Variants in TTC24 observed in about 807,000 individuals in gnomAD.
TTC24 encodes the protein tetratricopeptide repeat protein 24.
TTC24 carries 54 observed loss-of-function variants against 63.3 expected under a neutral mutation model. The ratio of observed to expected loss-of-function variants is 0.85; its 90% CI spans 0.69 to 1.07. TTC24 has a LOEUF of 1.07. Among genes scored for constraint, TTC24 ranks in the 50% least tolerant of loss-of-function variants. The pLI, the probability that TTC24 is intolerant of heterozygous loss-of-function variation, is 0.00. For synonymous variants in TTC24, 276 were observed against 304.3 expected, an observed-to-expected ratio of 0.91 and a Z score of 0.97; for missense variants, 680 against 730.5, an observed-to-expected ratio of 0.93 and a Z score of 0.80.
rs564439170 is a variant in TTC24 at position 156,587,055 on chromosome 1, C to T, written c.*505C>T. ...CCTGTAGGACAGCTCCTGCCAGCAGCCACAGGAACAGTGATGTGATGTAAC... is the reference window on the plus strand; with the variant it reads ...CCTGTAGGACAGCTCCTGCCAGCAGTCACAGGAACAGTGATGTGATGTAAC... On this transcript the variant is annotated 3_prime_UTR_variant, in exon 11 of 11. Transcript: ENST00000368236. Among the ~76,000 whole-genome samples, 3 of 148,888 alleles carry T rather than the reference C, an allele frequency of 2.0e-5. No homozygotes were observed. Among genetic ancestry groups the T allele is most frequent in the South Asian group, 4.8e-4 (2 of 4,200 alleles).
chr1:156,585,190 C>G lies in TTC24; in HGVS notation c.1415C>G (p.Ser472Trp). 6.2e-7 allele frequency: 1 copy of G among 1,613,372 alleles called. No individual in the cohort carries two copies. The highest frequency in any genetic ancestry group is 1.7e-5 in the Admixed American group (1 of 59,918). Reference protein sequence around the residue: ...EGHQKKKEERSANVPVRAGPG... With the variant: ...EGHQKKKEERWANVPVRAGPG... ...CACCAGAAGAAAAAAGAGGAGAGGTCGGCAAACGTTCCGGTGAGGGCTGGG... is the reference window on the plus strand; with the variant it reads ...CACCAGAAGAAAAAAGAGGAGAGGTGGGCAAACGTTCCGGTGAGGGCTGGG... The change falls in exon 8 of 11, where the codon TCG becomes TGG. Residue 472 changes from serine (S) to tryptophan (W), a missense_variant. Coordinates refer to ENST00000368236, the MANE Select transcript of TTC24 (RefSeq NM_001105669.4).
Position 156,583,169 on chromosome 1 carries a change from T to C in TTC24, c.1038T>C (p.Ser346=), listed in dbSNP as rs751520695. The C allele has an allele frequency of 1.2e-6, 2 of 1,608,334 alleles. No homozygotes were observed. Among genetic ancestry groups the C allele is most frequent in the South Asian group, 2.2e-5 (2 of 90,686 alleles). ...YLHALQAARD[S]GDMKGQWQAC... The stretch of plus-strand genomic sequence containing the variant: ...ATGCCCTGCAGGCTGCCCGGGACTC[T>C]GGTAAGCGTGAGAGGGTTGGGATGT... Residue 346 remains serine, a splice_region_variant and synonymous_variant, in exon 4 of 11, where the codon TCT becomes TCC. Transcript: ENST00000368236. This position sits in a 1 kb window ranked among gnomAD's most constrained non-coding sequence, Gnocchi z 4.0.
At position 156,584,252 on chromosome 1, in the gene TTC24, T is replaced by C. The variant is rs1677088459; in HGVS notation, c.1251+357T>C. Among the ~76,000 whole-genome samples the C allele has an allele frequency of 3.3e-5, 5 of 152,232 alleles. No individual in the cohort carries two copies. In the South Asian group the frequency reaches 1.0e-3, roughly 32 times the overall value. On this transcript the variant is annotated intron_variant, in intron 6 of 10. Coordinates refer to ENST00000368236, the MANE Select transcript of TTC24 (RefSeq NM_001105669.4). ...GCTCCAAGGAAGTCCCTCTCTCCCG[T>C]CTTTAAGTCTCTGGAGGTCATTTCT...
At position 156,581,454 on chromosome 1, in the gene TTC24, G is replaced by T. The variant is rs962113561; in HGVS notation, c.90G>T (p.Leu30=). 1 of 1,550,270 alleles carries T rather than the reference G, an allele frequency of 6.5e-7. No homozygotes were observed. Among genetic ancestry groups the T allele is most frequent in the East Asian group, 2.4e-5 (1 of 40,896 alleles). ...SNKKKKKRKW[L]RQEASIQALT... is the part of the protein sequence containing the mutation. ...AGAAAAAGAAGAAAAGAAAGTGGCT[G>T]CGGCAAGAAGCCAGCATCCAAGCCC... is the stretch of plus-strand genomic sequence containing the variant. Residue 30 remains leucine, a synonymous_variant, in exon 2 of 11, where the codon CTG becomes CTT. Transcript: ENST00000368236.
intron 6 of TTC24, 111 bp downstream of exon 6, chr1:156,584,006 A>T: frequency 2.4e-6 from 2 of 846,378 alleles, no homozygotes; most frequent in Non-Finnish European, 3.8e-6. Flanking sequence ...TTGGCCGCTC[A>T]TCTGTGTTCA....
At chr1:156,585,291 A>AC in intron 8 of TTC24, 60 bp downstream of exon 8, 1 of 1,292,130 alleles carries the variant, frequency 7.7e-7, no homozygotes, top group Non-Finnish European at 1.0e-6. Context: ...TGGCACTCCC[A>AC]CCCCCACCCG....
rs764017824 is a variant in TTC24 at position 156,585,112 on chromosome 1, C to T, written c.1350-13C>T. 5 of 1,603,978 alleles carry T rather than the reference C, an allele frequency of 3.1e-6. No individual in the cohort carries two copies. In the African/African-American group the frequency reaches 6.7e-5, roughly 21 times the overall value. On this transcript the variant is annotated splice_polypyrimidine_tract_variant and intron_variant, in intron 7 of 10. Coordinates refer to ENST00000368236, the MANE Select transcript of TTC24 (RefSeq NM_001105669.4). Reference sequence around the variant, plus strand: ...GCTCTGCCAAGCTGTGCCCTGGTTCCTTGCCCCTACAGATCTTCCAGTGGG... The same window carrying T: ...GCTCTGCCAAGCTGTGCCCTGGTTCTTTGCCCCTACAGATCTTCCAGTGGG...
In TTC24 at chr1:156,585,816, C is replaced by T; in HGVS notation, c.1560C>T (p.Ala520=). 6.2e-7 allele frequency: 1 copy of T among 1,613,296 alleles called. No individual in the cohort carries two copies. Among genetic ancestry groups the T allele is most frequent in the South Asian group, 1.1e-5 (1 of 91,066 alleles). The change falls in exon 9 of 11, where the codon GCC becomes GCT. Residue 520 remains alanine (A), a synonymous_variant. Transcript: ENST00000368236. ...GCAGAGGGACAGTCCTCGGCAAAGC[C>T]TCCATCTATAGTGAGCAGTGCATCC... ...TPCRGTVLGK[A]SIYSPGPRAH...
At chr1:156,584,779 G>T (rs1026214603) in intron 6 of TTC24, 98 bp from the exon 7 acceptor site, 6 of 744,414 alleles carry the variant, frequency 8.1e-6, no homozygotes, top group African/African-American at 7.2e-5. Context: ...GGCAGAGCCC[G>T]AATTGTCTCT....
Position 156,581,516 on chromosome 1 carries a change from A to G in TTC24, c.152A>G (p.Gln51Arg), listed in dbSNP as rs1260513247. ...RAGHGALQAGQNHEALNNFQR... is the reference protein window; with the variant it reads ...RAGHGALQAGRNHEALNNFQR... Reference sequence around the variant, plus strand: ...GGCCATGGGGCCCTTCAGGCTGGCCAGAACCATGAAGCCTTGAACAACTTC... The same window carrying G: ...GGCCATGGGGCCCTTCAGGCTGGCCGGAACCATGAAGCCTTGAACAACTTC... The change falls in exon 2 of 11, where the codon CAG becomes CGG. Residue 51 changes from glutamine (Q) to arginine (R), a missense_variant. Transcript: ENST00000368236. The G allele has an allele frequency of 1.4e-5, 21 of 1,551,332 alleles. No individual in the cohort carries two copies. The highest frequency in any genetic ancestry group is 2.7e-5 in the African/African-American group (2 of 73,048).
chr1:156,581,940 C>T lies in TTC24; in HGVS notation c.576C>T (p.Ala192=), dbSNP rs1312231856. ...QAYAQERQLR[A]AALALGAAAG... ...ATGCTCAAGAGAGACAGCTGCGGGCCGCAGCCCTGGCACTGGGGGCTGCGG... is the reference window on the plus strand; with the variant it reads ...ATGCTCAAGAGAGACAGCTGCGGGCTGCAGCCCTGGCACTGGGGGCTGCGG... The change falls in exon 2 of 11, where the codon GCC becomes GCT. Residue 192 remains alanine (A), a synonymous_variant. Coordinates refer to ENST00000368236, the MANE Select transcript of TTC24 (RefSeq NM_001105669.4). 35 of 1,540,984 alleles carry T rather than the reference C, an allele frequency of 2.3e-5. No homozygotes were observed. Among genetic ancestry groups the T allele is most frequent in the Middle Eastern group, 1.7e-4 (1 of 5,958 alleles).
intron 9 of TTC24, 56 bp from the exon 10 acceptor site, chr1:156,585,893 G>T: frequency 6.3e-7 from 1 of 1,596,680 alleles, no homozygotes; most frequent in Non-Finnish European, 8.6e-7. Context: ...TTTCCACCAT[G>T]ATAGTTCTTG....
In TTC24 at chr1:156,583,952, G is replaced by A. The variant is rs1358175827; in HGVS notation, c.1251+57G>A. Reference sequence around the variant, plus strand: ...GTGGAGAGAGGTTACCCAGAGAAGGGGTTGGTGGTAAGCAGAGACGCTGTT... The same window carrying A: ...GTGGAGAGAGGTTACCCAGAGAAGGAGTTGGTGGTAAGCAGAGACGCTGTT... On this transcript the variant is annotated intron_variant, in intron 6 of 10. Coordinates refer to ENST00000368236, the MANE Select transcript of TTC24 (RefSeq NM_001105669.4). The surrounding 1 kb of genome is among the most constrained non-coding windows in gnomAD (Gnocchi z 4.0). The A allele has an allele frequency of 6.2e-6, 9 of 1,458,540 alleles. No homozygotes were observed. In the Admixed American group the frequency reaches 1.6e-4, roughly 26 times the overall value. The allele number at this position is 1,458,540 out of a possible 1,614,324, so 90.3% of individuals were successfully genotyped here.
chr1:156,581,722 T>C lies in TTC24; in HGVS notation c.358T>C (p.Cys120Arg), dbSNP rs1171739431. 2 of 1,551,602 alleles carry C rather than the reference T, an allele frequency of 1.3e-6. No homozygotes were observed. The highest frequency in any genetic ancestry group is 8.7e-7 in the Non-Finnish European group (1 of 1,147,010). Residue 120 changes from cysteine (C) to arginine (R), a missense_variant, in exon 2 of 11, where the codon TGT becomes CGT. Cys to Arg is a radical substitution (Grantham distance 180). Coordinates refer to ENST00000368236, the MANE Select transcript of TTC24 (RefSeq NM_001105669.4). ...ACAGGGCAGGCGACACGGCGACCAA[T>C]GTTTCAATGTGGCTTTGGCCTACCA... ...KAQGRRHGDQ[C>R]FNVALAYHAL...
At chr1:156,582,919 C>A in intron 3 of TTC24, 123 bp from the exon 4 acceptor site, 2 of 1,257,218 alleles carry the variant, frequency 1.6e-6, no homozygotes, top group Non-Finnish European at 2.2e-6. Context: ...TCGGATGCAT[C>A]TGGAGTGTTC....
At position 156,584,951 on chromosome 1, in the gene TTC24, C is replaced by T. The variant is rs762911855; in HGVS notation, c.1326C>T (p.Ser442=). 2 of 1,601,576 alleles carry T rather than the reference C, an allele frequency of 1.2e-6. No homozygotes were observed. The highest frequency in any genetic ancestry group is 4.5e-5 in the East Asian group (2 of 44,650). ...AGGGGACCCCAGCAAAGGCAGGAAGCAGCACAGCAGGTGTCCAGCACAGGT... is the reference window on the plus strand; with the variant it reads ...AGGGGACCCCAGCAAAGGCAGGAAGTAGCACAGCAGGTGTCCAGCACAGGT... ...QAEGTPAKAG[S]STAGVQHRSS... The change falls in exon 7 of 11, where the codon AGC becomes AGT. Residue 442 remains serine, a synonymous_variant. Coordinates refer to ENST00000368236, the MANE Select transcript of TTC24 (RefSeq NM_001105669.4).
At chr1:156,584,173 G>A (rs1230594001) in intron 6 of TTC24, among the ~76,000 whole-genome samples, 1 of 152,210 alleles carries the variant, frequency 6.6e-6, no homozygotes. Context: ...CAAGGAGGTA[G>A]AAAGTTTCAA....
At position 156,583,890 on chromosome 1, in the gene TTC24, A is replaced by G. The variant is rs1235265911; in HGVS notation, c.1246A>G (p.Thr416Ala). Residue 416 changes from threonine to alanine, a missense_variant, in exon 6 of 11, where the codon ACC becomes GCC. Thr to Ala is a moderately conservative substitution (Grantham distance 58). Transcript: ENST00000368236. This position sits in a 1 kb window ranked among gnomAD's most constrained non-coding sequence, Gnocchi z 4.0. ...LAQVGLVQTH[T>A]LTSAPGRLQA... ...CCAGGTGGGGCTGGTCCAGACTCAC[A>G]CCCTGGTGAGATGACACCTGAGACA... 6.3e-7 allele frequency: 1 copy of G among 1,578,304 alleles called. No individual in the cohort carries two copies. Among genetic ancestry groups the G allele is most frequent in the Non-Finnish European group, 8.6e-7 (1 of 1,162,296 alleles).
At chr1:156,584,735 G>T (rs1047028283) in intron 6 of TTC24, 142 bp from the exon 7 acceptor site, 37 of 520,354 alleles carry the variant, frequency 7.1e-5, no homozygotes, top group Non-Finnish European at 4.7e-5. Flanking sequence ...AGAACAAAGA[G>T]CCTCACCCCA....
Sources: gnomAD v4.1 joint callset for allele counts (sites outside exome capture counted in the v4.1 genomes callset) on GRCh38, gnomAD v4.1.1 for gene constraint, Gnocchi (gnomAD v3.1) non-coding constraint, MANE v1.5 for transcripts, NCBI Gene and HGNC (gene_info 2026-07-23, HGNC 2026-07-21) for gene names.